The following TPR variants were observed in gnomAD, a reference collection of about 807,000 sequenced individuals.
TPR encodes the protein nucleoprotein TPR.
Under a neutral mutation model 316.1 loss-of-function variants are expected in TPR, and 51 were observed. The observed-to-expected ratio is 0.16, with a 90% CI of 0.13 to 0.20. The LOEUF (loss-of-function observed/expected upper bound fraction) is 0.20. TPR is among the 10% of genes least tolerant of loss of function. The probability of loss-of-function intolerance (pLI) is 1.00; values close to 1 mark genes in which losing one functional copy is unlikely to be tolerated. For missense variants in TPR, 2,272 were observed against 2,754.8 expected, an observed-to-expected ratio of 0.82 and a Z score of 3.92; for synonymous variants, 981 against 914.7, an observed-to-expected ratio of 1.07 and a Z score of -1.31.
chr1:186,355,334 G>T, intron 17 of TPR, 76 bp downstream of exon 17: 1 of 1,479,634 alleles, frequency 6.8e-7, no homozygotes, highest in Non-Finnish European at 9.2e-7. Flanking sequence ...TTGCAAATTA[G>T]CTCTTGAATT....
chr1:186,360,957 G>C, intron 9 of TPR, 52 bp from the exon 10 acceptor site: 1 of 1,571,214 alleles, frequency 6.4e-7, no homozygotes, highest in South Asian at 1.2e-5. Context: ...TAAAATTTTA[G>C]TTTACAAAAT....
At chr1:186,360,406 CA>C (rs2101983749) in intron 10 of TPR, 42 bp from the exon 11 acceptor site, 1 of 1,595,418 alleles carries the variant, frequency 6.3e-7, no homozygotes, top group East Asian at 2.2e-5. Flanking sequence ...TGTAAAATTC[CA>C]AACTAAAAGC....
Position 186,343,396 on chromosome 1 carries a change from C to G in TPR, c.3680G>C (p.Arg1227Thr). The G allele has an allele frequency of 6.2e-7, 1 of 1,614,108 alleles. No individual in the cohort carries two copies. Among genetic ancestry groups the G allele is most frequent in the East Asian group, 2.2e-5 (1 of 44,868 alleles). Residue 1227 changes from arginine (R) to threonine (T), a missense_variant, in exon 27 of 51, where the codon AGG (arginine) becomes ACG (threonine). Around this residue, in one of 10 missense-constraint regions of TPR, gnomAD observed 757 missense variants for 859.8 expected, o/e 0.88. Transcript: ENST00000367478. Reference sequence around the variant, plus strand: ...CAGCTCTCTTTCTAAAAGTTCAACCCTTTGTCGATAACGCAGACTCTCAAC... The same window carrying G: ...CAGCTCTCTTTCTAAAAGTTCAACCGTTTGTCGATAACGCAGACTCTCAAC... ...AQVESLRYRQ[R>T]VELLERELQE...
intron 17 of TPR, chr1:186,354,056 C>T (rs749288142): frequency 1.4e-4 from 60 of 436,000 alleles, no homozygotes; most frequent in Admixed American, 2.0e-4. Context: ...TATTTTCACA[C>T]TGAAAATCTG....
At chr1:186,330,504 G>A (rs1027371993) in intron 39 of TPR, among the ~76,000 whole-genome samples, 7 of 151,958 alleles carry the variant, frequency 4.6e-5, no homozygotes, top group East Asian at 1.9e-4. Flanking sequence ...ATGCTAAAAC[G>A]CTGCCCCAAA....
At position 186,358,635 on chromosome 1, in the gene TPR, G is replaced by A; in HGVS notation, c.1405C>T (p.Gln469Ter). 1 of 1,611,266 alleles carries A rather than the reference G, an allele frequency of 6.2e-7. No homozygotes were observed. The highest frequency in any genetic ancestry group is 8.5e-7 in the Non-Finnish European group (1 of 1,178,960). Residue 469 changes from glutamine (Q) to a stop codon, truncating the protein, a stop_gained, in exon 13 of 51, where the codon CAG (glutamine) becomes TAG (stop). Transcript: ENST00000367478. LOFTEE classifies it high-confidence loss of function. ...EQAMKEIQRL[Q>*]EDTDKANKQS... Reference sequence around the variant, plus strand: ...TTGTTGGCTTTATCAGTGTCCTCCTGCAATCGCTGAATCTCCTTTAAAATG... The same window carrying A: ...TTGTTGGCTTTATCAGTGTCCTCCTACAATCGCTGAATCTCCTTTAAAATG...
Position 186,326,087 on chromosome 1 carries a change from A to C in TPR, c.6021+17T>G, listed in dbSNP as rs1017855800. ...TCATAGAAAGAACTATGAATGGTTA[A>C]AATTCTAGCCAGTTACCTCAGCATC... On this transcript the variant is annotated intron_variant, in intron 41 of 50. Transcript: ENST00000367478. 6.2e-7 allele frequency: 1 copy of C among 1,613,610 alleles called. No individual in the cohort carries two copies. The highest frequency in any genetic ancestry group is 1.1e-5 in the South Asian group (1 of 91,044).
chr1:186,352,196 A>G (rs1453189689), intron 18 of TPR, 86 bp from the exon 19 acceptor site: 3 of 1,301,992 alleles, frequency 2.3e-6, no homozygotes, highest in Non-Finnish European at 2.0e-6. Context: ...TGATTCATAC[A>G]TCACTACTTT....
At chr1:186,320,569 TCTTA>T (rs982064139) in intron 45 of TPR, 151 bp from the exon 46 acceptor site, 2 of 686,552 alleles carry the variant, frequency 2.9e-6, no homozygotes, top group African/African-American at 1.8e-5. Flanking sequence ...TTAAAGGGTT[TCTTA>T]CTTATAAAAA....
At position 186,322,551 on chromosome 1, in the gene TPR, A is replaced by G. The variant is rs1404468378; in HGVS notation, c.6333T>C (p.Arg2111=). The G allele has an allele frequency of 2.2e-5, 36 of 1,613,996 alleles. No homozygotes were observed. Among genetic ancestry groups the G allele is most frequent in the Non-Finnish European group, 3.1e-5 (36 of 1,179,976 alleles). The stretch of plus-strand genomic sequence containing the variant: ...CTATTCCTGGAGTCAACTGAAGGCC[A>G]CGTCCTACAGACTGCCTTCGGGTCA... ...IQMTRRQSVG[R]GLQLTPGIGG... The change falls in exon 44 of 51, where the codon CGT becomes CGC. Residue 2111 remains arginine, a synonymous_variant. Coordinates refer to ENST00000367478, the MANE Select transcript of TPR (RefSeq NM_003292.3).
intron 4 of TPR, 77 bp from the exon 5 acceptor site, chr1:186,363,522 G>T: frequency 9.9e-7 from 1 of 1,006,990 alleles, no homozygotes; most frequent in Non-Finnish European, 1.5e-6. Flanking sequence ...TATATTTCTA[G>T]GAATATAAAC....
Position 186,341,014 on chromosome 1 carries a change from T to C in TPR, c.4020+14A>G. The C allele has an allele frequency of 6.2e-7, 1 of 1,606,950 alleles. No individual in the cohort carries two copies. Among genetic ancestry groups the C allele is most frequent in the Non-Finnish European group, 8.5e-7 (1 of 1,178,180 alleles). ...CGTGTTTCCATGTTTTGGAAGAGTT[T>C]TAACTGCATTTACCTGGTTACGTGC... On this transcript the variant is annotated intron_variant, in intron 29 of 50. Transcript: ENST00000367478.
chr1:186,359,683 T>C lies in TPR; in HGVS notation c.1389+116A>G, dbSNP rs373907310. The C allele has an allele frequency of 2.1e-4, 219 of 1,041,360 alleles. 4 individuals are homozygous for C. The East Asian group carries it at 5.8e-3, about 28-fold the overall frequency. 64.5% of individuals were successfully genotyped at this position (1,041,360 alleles called of 1,614,324 possible). On this transcript the variant is annotated intron_variant, in intron 12 of 50. Transcript: ENST00000367478. ...TGTTTAATAAGTTTCAAAATGTGTT[T>C]ATTGAAAATCGTATTTAGATTTTTC...
Position 186,321,650 on chromosome 1 carries a change from C to T in TPR, c.6461+668G>A, listed in dbSNP as rs547986289. On this transcript the variant is annotated intron_variant, in intron 45 of 50. Transcript: ENST00000367478. ...AGCTATTCTTTCCCAAGACTGAATTCAATATCATCCGCGTTAAATCATCTC... is the reference window on the plus strand; with the variant it reads ...AGCTATTCTTTCCCAAGACTGAATTTAATATCATCCGCGTTAAATCATCTC... Among the ~76,000 whole-genome samples the T allele has an allele frequency of 1.3e-3, 198 of 152,314 alleles. 1 individual carries two copies. The highest frequency in any genetic ancestry group is 4.5e-3 in the African/African-American group (189 of 41,568).
intron 14 of TPR, among the ~76,000 whole-genome samples, chr1:186,356,978 TG>T (rs1659047831): frequency 6.6e-6 from 1 of 152,218 alleles, no homozygotes; most frequent in Non-Finnish European, 1.5e-5. Flanking sequence ...ATTTTTTGTT[TG>T]GTATTGTTGC....
chr1:186,317,021 C>G (rs1657631822), intron 49 of TPR, among the ~76,000 whole-genome samples: 1 of 152,172 alleles, frequency 6.6e-6, no homozygotes, highest in South Asian at 2.1e-4. Context: ...GCTCTTACCC[C>G]TTAACTCTCC....
At chr1:186,330,681 G>C (rs1379573554) in intron 39 of TPR, among the ~76,000 whole-genome samples, 1 of 152,092 alleles carries the variant, frequency 6.6e-6, no homozygotes, top group Non-Finnish European at 1.5e-5. Context: ...CCTGTGTGAA[G>C]ACAGAACACC....
chr1:186,350,741 A>G (rs1658836198), intron 20 of TPR, among the ~76,000 whole-genome samples: 1 of 152,194 alleles, frequency 6.6e-6, no homozygotes, highest in Non-Finnish European at 1.5e-5. Context: ...GACAGAATAT[A>G]AGACAGGAGA....
At chr1:186,338,438 T>C (rs1169612808) in intron 30 of TPR, among the ~76,000 whole-genome samples, 195 bp from the exon 31 acceptor site, 1 of 152,204 alleles carries the variant, frequency 6.6e-6, no homozygotes, top group Non-Finnish European at 1.5e-5. Context: ...TAGGTTTACA[T>C]GCACATTTTA....
Sources: allele counts gnomAD v4.1 joint callset (sites outside exome capture counted in the v4.1 genomes callset), GRCh38; gene constraint gnomAD v4.1.1; regional missense constraint gnomAD v4.1.1; transcripts MANE v1.5; gene names NCBI Gene and HGNC (gene_info 2026-07-23, HGNC 2026-07-21).